Variants in ABCC11 observed in about 807,000 individuals in gnomAD.
The protein encoded by ABCC11 is ATP binding cassette subfamily C member 11.
ABCC11 carries 135 observed loss-of-function variants against 149.3 expected under a neutral mutation model. The observed-to-expected ratio is 0.90, with a 90% CI of 0.79 to 1.04. The LOEUF (loss-of-function observed/expected upper bound fraction) is 1.04. ABCC11 is among the 50% of genes least tolerant of loss of function. The pLI is 0.00. For synonymous variants in ABCC11, 665 were observed against 671.4 expected, an observed-to-expected ratio of 0.99 and a Z score of 0.15; for missense variants, 1,680 against 1,722.1, an observed-to-expected ratio of 0.98 and a Z score of 0.43.
intron 27 of ABCC11, 66 bp downstream of exon 27, chr16:48,170,823 C>G: frequency 6.8e-7 from 1 of 1,474,206 alleles, no homozygotes; most frequent in Non-Finnish European, 9.4e-7. Context: ...GAGAGGAGCC[C>G]CAAAGGGGCA....
chr16:48,223,450 G>A (rs1969878238), intron 5 of ABCC11: 1 of 154,688 alleles, frequency 6.5e-6, no homozygotes, highest in Non-Finnish European at 1.4e-5. Context: ...AGGGGCACAG[G>A]GCAGGATGGA....
chr16:48,230,929 A>C (rs541107258), intron 2 of ABCC11, among the ~76,000 whole-genome samples: 1 of 152,344 alleles, frequency 6.6e-6, no homozygotes, highest in African/African-American at 2.4e-5. Flanking sequence ...ACAAGTAAAA[A>C]AGCAAATCCT....
Position 48,211,086 on chromosome 16 carries a change from G to A in ABCC11, c.1470C>T (p.Ile490=), listed in dbSNP as rs139456533. 1.1e-4 allele frequency: 184 copies of A among 1,614,054 alleles called. No individual in the cohort carries two copies. The highest frequency in any genetic ancestry group is 1.5e-4 in the Non-Finnish European group (173 of 1,180,046). The change falls in exon 11 of 30, where the codon ATC becomes ATT. Residue 490 remains isoleucine, a synonymous_variant. Transcript: ENST00000356608. ...TLSWQQTCPG[I]VNGALELERN... ...TCTCCAGCTCCAGTGCCCCATTGAC[G>A]ATCCCGGGACAGGTCTGTTGCCATG...
chr16:48,234,918 C>G (rs1428076385), intron 1 of ABCC11, among the ~76,000 whole-genome samples: 1 of 151,892 alleles, frequency 6.6e-6, no homozygotes, highest in Non-Finnish European at 1.5e-5. Flanking sequence ...GGTCACTGTG[C>G]CCAGGTTCCT....
intron 1 of ABCC11, among the ~76,000 whole-genome samples, chr16:48,246,521 C>G (rs898697861): frequency 6.6e-6 from 1 of 152,146 alleles, no homozygotes; most frequent in Non-Finnish European, 1.5e-5. Flanking sequence ...TTAAGTTTCA[C>G]TATTTGTTGG....
At chr16:48,223,357 C>G (rs949304628) in intron 5 of ABCC11, among the ~76,000 whole-genome samples, 5 of 152,152 alleles carry the variant, frequency 3.3e-5, no homozygotes, top group African/African-American at 1.2e-4. Context: ...CTTCCTCCTT[C>G]CAGTCTCCTA....
At chr16:48,183,757 T>C (rs1966588459) in intron 23 of ABCC11, among the ~76,000 whole-genome samples, 1 of 152,162 alleles carries the variant, frequency 6.6e-6, no homozygotes, top group African/African-American at 2.4e-5. Flanking sequence ...AGTGAGATCC[T>C]ATCTCAAAAA....
intron 1 of ABCC11, among the ~76,000 whole-genome samples, chr16:48,242,160 A>C (rs1970999035): frequency 6.6e-6 from 1 of 152,242 alleles, no homozygotes; most frequent in South Asian, 2.1e-4. Flanking sequence ...ACAAAGGGCT[A>C]ATATCCAGAA....
chr16:48,225,508 C>T (rs1440874697), intron 4 of ABCC11, among the ~76,000 whole-genome samples: 2 of 152,206 alleles, frequency 1.3e-5, no homozygotes, highest in Non-Finnish European at 2.9e-5. Context: ...ATTGCATCTC[C>T]ATGGTGTTGT....
At chr16:48,172,103 T>C (rs971999036) in intron 26 of ABCC11, among the ~76,000 whole-genome samples, 1 of 152,254 alleles carries the variant, frequency 6.6e-6, no homozygotes, top group African/African-American at 2.4e-5. Context: ...TGGATTTGCC[T>C]ATTCCAGCTA....
Position 48,200,439 on chromosome 16 carries a change from T to G in ABCC11, c.1919A>C (p.Gln640Pro). The G allele has an allele frequency of 6.2e-7, 1 of 1,614,200 alleles. No individual in the cohort carries two copies. ...RGLNLSGGQK[Q>P]RISLARAVYS... ...GACGGCGCGGGCCAGGCTGATCCTC[T>G]GTTTCTGCCCCCCAGAGAGGTTGAG... Residue 640 changes from glutamine to proline, a missense_variant, in exon 15 of 30, where the codon CAG becomes CCG. By Grantham distance (76) the Gln-to-Pro change is moderately conservative (BLOSUM62 -1). Transcript: ENST00000356608.
downstream of ABCC11, among the ~76,000 whole-genome samples, chr16:48,165,326 A>C (rs1965297382): frequency 6.6e-6 from 1 of 152,196 alleles, no homozygotes; most frequent in African/African-American, 2.4e-5. Context: ...TTTTTAAGAA[A>C]GATAAACCCC....
intron 13 of ABCC11, 48 bp from the exon 14 acceptor site, chr16:48,203,348 C>G (rs775990321): frequency 2.7e-6 from 4 of 1,482,660 alleles, no homozygotes; most frequent in Middle Eastern, 1.7e-4. Flanking sequence ...GCCCTCCCGC[C>G]CATCACCCTT....
At chr16:48,180,457 A>G (rs949801089) in intron 23 of ABCC11, among the ~76,000 whole-genome samples, 1 of 152,236 alleles carries the variant, frequency 6.6e-6, no homozygotes, top group East Asian at 1.9e-4. Context: ...AAATGAGCCA[A>G]CTGAGCATAG....
At chr16:48,205,622 C>T in intron 12 of ABCC11, 85 bp from the exon 13 acceptor site, 2 of 1,532,752 alleles carry the variant, frequency 1.3e-6, no homozygotes, top group Non-Finnish European at 1.8e-6. Context: ...GCCCAGGGCC[C>T]CACTGCCCTC....
intron 5 of ABCC11, 35 bp from the exon 6 acceptor site, chr16:48,222,866 A>C: frequency 6.6e-7 from 1 of 1,524,872 alleles, no homozygotes; most frequent in African/African-American, 1.4e-5. Context: ...CATTCAGACC[A>C]CCCTGCCAGA....
chr16:48,210,619 C>T (rs1482590029), intron 11 of ABCC11: 1 of 295,866 alleles, frequency 3.4e-6, no homozygotes, highest in African/African-American at 2.1e-5. Flanking sequence ...TAGTGCTTGG[C>T]ACATACGAGG....
Position 48,197,446 on chromosome 16 carries a change from T to C in ABCC11, c.2314+525A>G, listed in dbSNP as rs926318989. 2.6e-5 allele frequency among the ~76,000 whole-genome samples: 4 copies of C among 152,212 alleles called. No individual in the cohort carries two copies. The East Asian group carries it at 7.7e-4, about 29-fold the overall frequency. On this transcript the variant is annotated intron_variant, in intron 17 of 29. Transcript: ENST00000356608. ...GAGAATTCAGAGAGGTTAAGTTAGA[T>C]GGCTAAGGTCACACAGCTTTGTAAG... is the stretch of plus-strand genomic sequence containing the variant.
At chr16:48,235,865 C>T (rs116873916) in intron 1 of ABCC11, among the ~76,000 whole-genome samples, 3,115 of 152,226 alleles carry the variant, frequency 0.02, 46 homozygotes, top group Non-Finnish European at 0.031. Flanking sequence ...GGGTTGTTTG[C>T]GTATGGTGAA....
Sources: gnomAD v4.1 joint callset for allele counts (sites outside exome capture counted in the v4.1 genomes callset) on GRCh38, gnomAD v4.1.1 for gene constraint, MANE v1.5 for transcripts, NCBI Gene and HGNC (gene_info 2026-07-23, HGNC 2026-07-21) for gene names.